ACSS3: variants seen among roughly 807,000 people sequenced by gnomAD.
ACSS3 encodes the protein acyl-CoA synthetase short chain family member 3, also known as acyl-CoA synthetase short-chain family member 3, mitochondrial.
A neutral mutation model predicts 84.2 loss-of-function variants in ACSS3; 64 were observed. That is an observed-to-expected ratio of 0.76 (90% CI 0.62 to 0.94). ACSS3 has a LOEUF of 0.94. Among genes scored for constraint, ACSS3 ranks in the 40% least tolerant of loss-of-function variants. ACSS3 has a pLI of 0.00. For synonymous variants in ACSS3, 317 were observed against 310.1 expected, an observed-to-expected ratio of 1.02 and a Z score of -0.23; for missense variants, 815 against 867.6, an observed-to-expected ratio of 0.94 and a Z score of 0.76.
chr12:81,244,175 C>T (rs1342687487), intron 13 of ACSS3, among the ~76,000 whole-genome samples: 2 of 151,940 alleles, frequency 1.3e-5, no homozygotes, highest in East Asian at 1.9e-4. Flanking sequence ...TTAAATATTT[C>T]GCTCCACTCT....
intron 13 of ACSS3, among the ~76,000 whole-genome samples, chr12:81,236,882 A>G (rs1167133610): frequency 6.6e-6 from 1 of 151,262 alleles, no homozygotes; most frequent in Non-Finnish European, 1.5e-5. Flanking sequence ...TAAGAGTGTC[A>G]TTTCCACCTT....
chr12:81,242,140 A>G (rs1489227292), intron 13 of ACSS3, among the ~76,000 whole-genome samples: 1 of 152,148 alleles, frequency 6.6e-6, no homozygotes, highest in Non-Finnish European at 1.5e-5. Flanking sequence ...CAAAGATCAG[A>G]TAGTTGTAGA....
intron 8 of ACSS3, among the ~76,000 whole-genome samples, chr12:81,193,783 A>T (rs2031697145): frequency 6.6e-6 from 1 of 151,866 alleles, no homozygotes; most frequent in Non-Finnish European, 1.5e-5. Context: ...AGAAATTTAT[A>T]TTGTAAGTTT....
intron 9 of ACSS3, among the ~76,000 whole-genome samples, chr12:81,214,007 C>CTTTCTTTCTTTCTTTCTTT (rs1565724543): frequency 1.4e-5 from 1 of 74,038 alleles, no homozygotes; most frequent in East Asian, 3.3e-4. Context: ...TTCTTTCTTT[C>CTTTCTTTCTTTCTTTCTTT]ATCTGTCTGT....
At chr12:81,096,817 T>C (rs1393499223) in intron 1 of ACSS3, among the ~76,000 whole-genome samples, 1 of 152,204 alleles carries the variant, frequency 6.6e-6, no homozygotes, top group Non-Finnish European at 1.5e-5. Context: ...TTTTTATGGC[T>C]GCATGGTATT....
intron 5 of ACSS3, among the ~76,000 whole-genome samples, chr12:81,146,165 T>C (rs1886330926): frequency 1.3e-5 from 2 of 152,178 alleles, no homozygotes; most frequent in Non-Finnish European, 2.9e-5. Context: ...ATTATCCTTT[T>C]TGGATCCACT....
intron 2 of ACSS3, among the ~76,000 whole-genome samples, chr12:81,132,514 T>C (rs1885570211): frequency 6.6e-6 from 1 of 152,214 alleles, no homozygotes; most frequent in Non-Finnish European, 1.5e-5. Context: ...TTGATTCTTC[T>C]CTCTTTTCTT....
At chr12:81,130,927 T>C (rs1885454314) in intron 2 of ACSS3, among the ~76,000 whole-genome samples, 1 of 152,098 alleles carries the variant, frequency 6.6e-6, no homozygotes, top group Admixed American at 6.6e-5. Flanking sequence ...TGTCAAAGAT[T>C]GGATGGTTGT....
At chr12:81,195,990 C>T (rs1207994331) in intron 8 of ACSS3, among the ~76,000 whole-genome samples, 1 of 152,028 alleles carries the variant, frequency 6.6e-6, no homozygotes, top group Admixed American at 6.6e-5. Context: ...AATTATTAAA[C>T]CAATCATACT....
At chr12:81,096,443 C>T (rs910747396) in intron 1 of ACSS3, among the ~76,000 whole-genome samples, 7 of 152,238 alleles carry the variant, frequency 4.6e-5, no homozygotes, top group African/African-American at 1.2e-4. Flanking sequence ...TACTTAAAAG[C>T]GGACATGCAC....
At chr12:81,240,791 C>T (rs564590602) in intron 13 of ACSS3, among the ~76,000 whole-genome samples, 62 of 152,042 alleles carry the variant, frequency 4.1e-4, no homozygotes, top group African/African-American at 1.3e-3. Flanking sequence ...TCAAATAATA[C>T]ATATTACTTC....
At position 81,151,921 on chromosome 12, in the gene ACSS3, A is replaced by G; in HGVS notation, c.999A>G (p.Gly333=). Reference sequence around the variant, plus strand: ...CTTCCATATACGGACTTCAACCCGGAGAGGTAATCGTGGTTTTAAATTTAC... The same window carrying G: ...CTTCCATATACGGACTTCAACCCGGGGAGGTAATCGTGGTTTTAAATTTAC... ...SMSSIYGLQP[G]EVWWAASDLG... The change falls in exon 6 of 16, where the codon GGA becomes GGG. Residue 333 remains glycine, a synonymous_variant. Transcript: ENST00000548058. 6.2e-7 allele frequency: 1 copy of G among 1,613,792 alleles called. No homozygotes were observed. The highest frequency in any genetic ancestry group is 8.5e-7 in the Non-Finnish European group (1 of 1,179,858).
At chr12:81,241,579 A>G (rs1339616060) in intron 13 of ACSS3, among the ~76,000 whole-genome samples, 5 of 152,156 alleles carry the variant, frequency 3.3e-5, no homozygotes, top group Admixed American at 1.3e-4. Context: ...CATTTCTCTG[A>G]TGGCCAGTGA....
At chr12:81,141,517 GAC>G (rs989028807) in intron 4 of ACSS3, among the ~76,000 whole-genome samples, 3 of 152,164 alleles carry the variant, frequency 2.0e-5, no homozygotes, top group African/African-American at 7.2e-5. Context: ...AATTAGGAAA[GAC>G]ATATCTATAG....
At chr12:81,160,000 T>A (rs1887070650) in intron 7 of ACSS3, among the ~76,000 whole-genome samples, 1 of 152,234 alleles carries the variant, frequency 6.6e-6, no homozygotes, top group Admixed American at 6.5e-5. Flanking sequence ...ATATTTCAAT[T>A]TCATGATACA....
chr12:81,082,889 T>G (rs1881075979), intron 1 of ACSS3, among the ~76,000 whole-genome samples: 1 of 152,162 alleles, frequency 6.6e-6, no homozygotes, highest in Non-Finnish European at 1.5e-5. Context: ...GTAAAGTGCC[T>G]AGGACTGTCC....
chr12:81,111,352 G>T (rs1461382038), intron 2 of ACSS3, among the ~76,000 whole-genome samples: 1 of 152,134 alleles, frequency 6.6e-6, no homozygotes. Flanking sequence ...GGTTCAAGAG[G>T]CCAAAGAAGA....
intron 2 of ACSS3, among the ~76,000 whole-genome samples, chr12:81,130,920 C>G (rs867231304): frequency 2.6e-5 from 4 of 152,116 alleles, no homozygotes; most frequent in Non-Finnish European, 4.4e-5. Context: ...TCAAGTTTGT[C>G]AAAGATTGGA....
chr12:81,129,622 G>A (rs955787662), intron 2 of ACSS3, among the ~76,000 whole-genome samples: 7 of 151,994 alleles, frequency 4.6e-5, no homozygotes, highest in Admixed American at 2.0e-4. Flanking sequence ...TTTCACACAA[G>A]GTCTTGAATT....
Sources: allele counts gnomAD v4.1 joint callset (sites outside exome capture counted in the v4.1 genomes callset), GRCh38; gene constraint gnomAD v4.1.1; transcripts MANE v1.5; gene names NCBI Gene and HGNC (gene_info 2026-07-23, HGNC 2026-07-21).